The following NOL4 variants were observed in gnomAD, a reference collection of about 807,000 sequenced individuals.
NOL4 encodes nucleolar protein 4.
NOL4 carries 17 observed loss-of-function variants against 75.9 expected under a neutral mutation model. The observed-to-expected ratio is 0.22, with a 90% CI of 0.15 to 0.34. NOL4 has a LOEUF of 0.34. Ranked by LOEUF, NOL4 falls within the 10% of genes least tolerant of loss-of-function variation. NOL4 has a pLI of 1.00. For missense variants in NOL4, 614 were observed against 793.5 expected, an observed-to-expected ratio of 0.77 and a Z score of 2.72; for synonymous variants, 292 against 289.9, an observed-to-expected ratio of 1.01 and a Z score of -0.07.
intron 1 of NOL4, among the ~76,000 whole-genome samples, chr18:34,166,729 A>G (rs1250036575): frequency 6.6e-6 from 1 of 151,904 alleles, no homozygotes. Flanking sequence ...TATTTGGGAA[A>G]AAATAAAAAT....
intron 9 of NOL4, among the ~76,000 whole-genome samples, chr18:33,923,771 A>G: frequency 6.6e-6 from 1 of 152,212 alleles, no homozygotes. Flanking sequence ...AAATAAGAAC[A>G]AAAATTATTT....
chr18:34,074,293 T>C (rs945281032), intron 5 of NOL4, among the ~76,000 whole-genome samples: 1 of 151,638 alleles, frequency 6.6e-6, no homozygotes, highest in Non-Finnish European at 1.5e-5. Flanking sequence ...AAATTAACAA[T>C]GATATAAGCT....
intron 6 of NOL4, among the ~76,000 whole-genome samples, chr18:33,963,368 G>A (rs1290254322): frequency 1.3e-5 from 2 of 152,070 alleles, no homozygotes; most frequent in African/African-American, 2.4e-5. Flanking sequence ...TGTGAGTATT[G>A]GAATGGTATC....
intron 10 of NOL4, among the ~76,000 whole-genome samples, chr18:33,855,875 C>CCT (rs138487790): frequency 0.18 from 26,971 of 151,104 alleles, 2,599 homozygotes; most frequent in Non-Finnish European, 0.22. Context: ...ATACTTCTCC[C>CCT]GTTTATGGTG....
chr18:34,014,342 T>G (rs1325635393), intron 6 of NOL4, among the ~76,000 whole-genome samples: 1 of 151,960 alleles, frequency 6.6e-6, no homozygotes, highest in East Asian at 1.9e-4. Context: ...GCACATAAAC[T>G]GTTCAACAAT....
chr18:33,951,986 C>A (rs749390959), intron 8 of NOL4, among the ~76,000 whole-genome samples: 1 of 152,182 alleles, frequency 6.6e-6, no homozygotes, highest in Non-Finnish European at 1.5e-5. Context: ...CTTTTTCTAT[C>A]TTTCTAAGTT....
intron 10 of NOL4, among the ~76,000 whole-genome samples, chr18:33,859,442 T>C (rs2062985960): frequency 6.6e-6 from 1 of 152,218 alleles, no homozygotes; most frequent in Admixed American, 6.5e-5. Flanking sequence ...TTGTTTCAAA[T>C]GCAAATGTTT....
chr18:34,137,587 T>TGC (rs749926237), intron 1 of NOL4, among the ~76,000 whole-genome samples: 26 of 152,098 alleles, frequency 1.7e-4, no homozygotes, highest in Admixed American at 3.3e-4. Context: ...AATGAAACAC[T>TGC]ACTTCACATG....
At chr18:33,995,293 C>G (rs2073196087) in intron 6 of NOL4, among the ~76,000 whole-genome samples, 1 of 151,506 alleles carries the variant, frequency 6.6e-6, no homozygotes, top group Non-Finnish European at 1.5e-5. Context: ...AAACCAGCTA[C>G]AGACATCACA....
intron 1 of NOL4, among the ~76,000 whole-genome samples, chr18:34,152,347 A>T (rs780243074): frequency 3.2e-4 from 49 of 151,910 alleles, no homozygotes; most frequent in Non-Finnish European, 6.8e-4. Context: ...CAGTGAATGA[A>T]TGAACTACTT....
At chr18:34,212,306 C>T (rs945422403) in intron 1 of NOL4, among the ~76,000 whole-genome samples, 4 of 152,038 alleles carry the variant, frequency 2.6e-5, no homozygotes, top group Admixed American at 6.6e-5. Context: ...AAATTATAGA[C>T]CATCTCATCA....
At chr18:34,146,464 A>C (rs1036490712) in intron 1 of NOL4, among the ~76,000 whole-genome samples, 14 of 152,146 alleles carry the variant, frequency 9.2e-5, no homozygotes, top group Non-Finnish European at 1.9e-4. Flanking sequence ...TTTTCCCAAC[A>C]TCATTTATTA....
intron 10 of NOL4, among the ~76,000 whole-genome samples, chr18:33,866,025 G>T (rs1240486050): frequency 1.3e-5 from 2 of 152,094 alleles, no homozygotes; most frequent in African/African-American, 4.8e-5. Context: ...AAGGCATTAT[G>T]CAAGGGAGAA....
intron 5 of NOL4, among the ~76,000 whole-genome samples, chr18:34,032,273 C>T (rs952728818): frequency 5.3e-5 from 8 of 152,176 alleles, no homozygotes; most frequent in African/African-American, 1.9e-4. Context: ...AGCAGGGCTG[C>T]AGCATAACCA....
At chr18:34,218,892 G>C (rs183104662) in intron 1 of NOL4, among the ~76,000 whole-genome samples, 1 of 152,186 alleles carries the variant, frequency 6.6e-6, no homozygotes, top group Non-Finnish European at 1.5e-5. Flanking sequence ...GTTAGGCCAG[G>C]TGGAAAGGTA....
chr18:34,064,354 CGTT>C (rs1441837351), intron 5 of NOL4, among the ~76,000 whole-genome samples: 1 of 151,936 alleles, frequency 6.6e-6, no homozygotes, highest in Non-Finnish European at 1.5e-5. Flanking sequence ...CAGTTGTACT[CGTT>C]GTATTGTCTG....
At position 34,085,919 on chromosome 18, in the gene NOL4, T is replaced by C. The variant is rs546217044; in HGVS notation, c.772+7546A>G. On this transcript the variant is annotated intron_variant, in intron 5 of 10. Coordinates refer to ENST00000261592, the MANE Select transcript of NOL4 (RefSeq NM_003787.5). ...CACAAATAACAATATTATGAATGGA[T>C]TTAATAATCAAAATCTCCTCCAATT... 7.6e-4 allele frequency among the ~76,000 whole-genome samples: 116 copies of C among 152,212 alleles called. No homozygotes were observed. In the Middle Eastern group the frequency reaches 0.014, roughly 18 times the overall value.
chr18:33,856,334 T>C (rs930321407), intron 10 of NOL4, among the ~76,000 whole-genome samples: 11 of 152,098 alleles, frequency 7.2e-5, no homozygotes, highest in Admixed American at 2.0e-4. Flanking sequence ...TCAAGTAAAG[T>C]AACCTCTAAT....
At chr18:34,152,999 T>G (rs1452871583) in intron 1 of NOL4, among the ~76,000 whole-genome samples, 1 of 151,908 alleles carries the variant, frequency 6.6e-6, no homozygotes, top group Non-Finnish European at 1.5e-5. Context: ...TATTACCAAT[T>G]TTTAAGAAGA....
Sources: allele counts gnomAD v4.1 joint callset (sites outside exome capture counted in the v4.1 genomes callset), GRCh38; gene constraint gnomAD v4.1.1; transcripts MANE v1.5; gene names NCBI Gene and HGNC (gene_info 2026-07-23, HGNC 2026-07-21).